The following PAXIP1 variants were observed in gnomAD, a reference collection of about 807,000 sequenced individuals.
PAXIP1 encodes the protein PAX-interacting protein 1.
PAXIP1 carries 19 observed loss-of-function variants against 140.6 expected under a neutral mutation model. The observed-to-expected ratio is 0.14, with a 90% CI of 0.09 to 0.20. The LOEUF (loss-of-function observed/expected upper bound fraction) is 0.20, where lower values mean the gene tolerates loss of function less well. Among genes scored for constraint, PAXIP1 ranks in the 10% least tolerant of loss-of-function variants. The pLI, the probability that PAXIP1 is intolerant of heterozygous loss-of-function variation, is 1.00. For missense variants in PAXIP1, 920 were observed against 1,208.6 expected, an observed-to-expected ratio of 0.76 and a Z score of 3.54; for synonymous variants, 442 against 444.6, an observed-to-expected ratio of 0.99 and a Z score of 0.07.
rs143099962 is a variant in PAXIP1 at position 154,960,049 on chromosome 7, T to C, written c.2435-116A>G. 2.0e-3 allele frequency: 1,375 copies of C among 702,966 alleles called. 23 individuals are homozygous for C. In the East Asian group the frequency reaches 0.027, roughly 14 times the overall value. The allele number at this position is 702,966 out of a possible 1,614,324, so 43.5% of individuals were successfully genotyped here. On this transcript the variant is annotated intron_variant, in intron 12 of 20. Transcript: ENST00000404141. Reference sequence around the variant, plus strand: ...AGACAGGTGGTTTAGCTGACAACACTTAATAAGGATAAATGTAAGTACTAT... The same window carrying C: ...AGACAGGTGGTTTAGCTGACAACACCTAATAAGGATAAATGTAAGTACTAT...
chr7:154,993,630 G>A (rs1242163115), intron 3 of PAXIP1, 96 bp downstream of exon 3: 23 of 916,870 alleles, frequency 2.5e-5, no homozygotes, highest in South Asian at 1.0e-4. Context: ...CTGTCCTAAC[G>A]AATGAATCCA....
At chr7:154,970,662 G>C in intron 6 of PAXIP1, among the ~76,000 whole-genome samples, 1 of 152,220 alleles carries the variant, frequency 6.6e-6, no homozygotes, top group Non-Finnish European at 1.5e-5. Flanking sequence ...AGCAGCATTT[G>C]GTGCTGTGCA....
chr7:154,944,088 C>T lies in PAXIP1; in HGVS notation c.*61G>A, dbSNP rs777160767. The stretch of plus-strand genomic sequence containing the variant: ...ATGTGAAGGAAGCGCAGCAGCTCCT[C>T]GCCAGCCAGACAGCCAGCCCCGCAC... On this transcript the variant is annotated 3_prime_UTR_variant, in exon 21 of 21. Coordinates refer to ENST00000404141, the MANE Select transcript of PAXIP1 (RefSeq NM_007349.4). The T allele has an allele frequency of 4.2e-5, 66 of 1,579,202 alleles. No individual in the cohort carries two copies. Among genetic ancestry groups the T allele is most frequent in the Middle Eastern group, 1.7e-4 (1 of 6,026 alleles).
At position 154,956,077 on chromosome 7, in the gene PAXIP1, CCAAGA is replaced by C. The variant is rs1329109764; in HGVS notation, c.2550-451_2550-447del. ...CACGTTCACCATCAATACAAGTCAG[CCAAGA>C]CGAGTGTCGCTAGAGCTTCCAGTGT... On this transcript the variant is annotated intron_variant, in intron 14 of 20. Coordinates refer to ENST00000404141, the MANE Select transcript of PAXIP1 (RefSeq NM_007349.4). This position sits in a 1 kb window ranked among gnomAD's most constrained non-coding sequence, Gnocchi z 4.2. 6.6e-6 allele frequency among the ~76,000 whole-genome samples: 1 copy of C among 152,230 alleles called. No individual in the cohort carries two copies. Among genetic ancestry groups the C allele is most frequent in the African/African-American group, 2.4e-5 (1 of 41,460 alleles).
At chr7:154,958,770 C>A (rs1808638506) in intron 13 of PAXIP1, among the ~76,000 whole-genome samples, 1 of 152,106 alleles carries the variant, frequency 6.6e-6, no homozygotes, top group Non-Finnish European at 1.5e-5. Flanking sequence ...GGGCCCCTGA[C>A]AACTTTAGAA....
chr7:154,954,923 T>C lies in PAXIP1; in HGVS notation c.2653-500A>G, dbSNP rs1192980740. On this transcript the variant is annotated intron_variant, in intron 15 of 20. Coordinates refer to ENST00000404141, the MANE Select transcript of PAXIP1 (RefSeq NM_007349.4). This position sits in a 1 kb window ranked among gnomAD's most constrained non-coding sequence, Gnocchi z 5.1. The stretch of plus-strand genomic sequence containing the variant: ...GAGAAATTAATTTGTTCTAAATGTA[T>C]AATACTAGCATTTATAATTGTTTCT... Among the ~76,000 whole-genome samples the C allele has an allele frequency of 1.3e-5, 2 of 152,238 alleles. No individual in the cohort carries two copies. The highest frequency in any genetic ancestry group is 6.5e-5 in the Admixed American group (1 of 15,286).
At chr7:154,967,389 A>G (rs1461903102) in intron 8 of PAXIP1, 1 of 156,982 alleles carries the variant, frequency 6.4e-6, no homozygotes, top group Non-Finnish European at 1.4e-5. Context: ...ACATAATTAA[A>G]TTAACTCCAG....
rs1810102525 is a variant in PAXIP1, at chr7:154,986,978, T to C, written c.325-3646A>G. Among the ~76,000 whole-genome samples the C allele has an allele frequency of 1.3e-5, 2 of 152,322 alleles. No homozygotes were observed. On this transcript the variant is annotated intron_variant, in intron 4 of 20. Transcript: ENST00000404141. This position sits in a 1 kb window ranked among gnomAD's most constrained non-coding sequence, Gnocchi z 4.8. ...TGGTAAGTTTAGCACCAAGGTAAAA[T>C]TGGACCTTTCACCTGACAGTGGGTG...
rs73493742 is a variant in PAXIP1, at chr7:154,980,527, G to A, written c.438+2692C>T. 9.2e-3 allele frequency among the ~76,000 whole-genome samples: 1,397 copies of A among 152,082 alleles called. 31 individuals are homozygous for A. The highest frequency in any genetic ancestry group is 0.032 in the African/African-American group (1,324 of 41,444). On this transcript the variant is annotated intron_variant, in intron 5 of 20. Transcript: ENST00000404141. The stretch of plus-strand genomic sequence containing the variant: ...CCTCCCAGGCTCAAGCAATCCTTCC[G>A]TCTCAGCTTCCCAAGTAGCTAGGAC...
intron 17 of PAXIP1, chr7:154,947,031 G>A (rs537193819): frequency 2.3e-6 from 1 of 438,830 alleles, no homozygotes; most frequent in African/African-American, 2.0e-5. Flanking sequence ...AAGTATGCCT[G>A]AAGATGATTT....
At chr7:154,948,094 CATA>C in intron 16 of PAXIP1, 91 bp from the exon 17 acceptor site, 1 of 796,850 alleles carries the variant, frequency 1.3e-6, no homozygotes, top group East Asian at 2.4e-5. Flanking sequence ...TATTCAGGTA[CATA>C]ATATTACAGC....
intron 4 of PAXIP1, among the ~76,000 whole-genome samples, chr7:154,984,804 T>C (rs1809995032): frequency 6.6e-6 from 1 of 152,188 alleles, no homozygotes; most frequent in Non-Finnish European, 1.5e-5. Context: ...TAAAAAACAA[T>C]CTAGATATGC....
At chr7:154,989,569 A>T (rs1165619020) in intron 4 of PAXIP1, among the ~76,000 whole-genome samples, 1 of 152,224 alleles carries the variant, frequency 6.6e-6, no homozygotes, top group African/African-American at 2.4e-5. Context: ...AATTTTAAAC[A>T]AATTATTCCA....
At position 154,963,400 on chromosome 7, in the gene PAXIP1, G is replaced by A. The variant is rs145334147; in HGVS notation, c.1989+271C>T. ...CAGGTTGGTCAGGCTGGTCTCAAAC[G>A]CCTGACCTCGTGACCCGTCCACCTC... On this transcript the variant is annotated intron_variant, in intron 9 of 20. Coordinates refer to ENST00000404141, the MANE Select transcript of PAXIP1 (RefSeq NM_007349.4). The surrounding 1 kb of genome is among the most constrained non-coding windows in gnomAD (Gnocchi z 4.1). Among the ~76,000 whole-genome samples the A allele has an allele frequency of 2.4e-4, 37 of 151,888 alleles. 2 individuals carry two copies. The East Asian group carries it at 6.8e-3, about 28-fold the overall frequency.
At chr7:154,977,397 G>T (rs1014190665) in intron 5 of PAXIP1, among the ~76,000 whole-genome samples, 1 of 152,176 alleles carries the variant, frequency 6.6e-6, no homozygotes, top group African/African-American at 2.4e-5. Context: ...CCCCAAGGTG[G>T]CATTTGCAAT....
chr7:154,961,910 C>A (rs1176856235), intron 10 of PAXIP1, among the ~76,000 whole-genome samples: 2 of 152,210 alleles, frequency 1.3e-5, no homozygotes, highest in Non-Finnish European at 2.9e-5. Context: ...ACTGCTCAGA[C>A]AATCCCAACA....
At chr7:154,972,360 G>T (rs1251297116) in intron 6 of PAXIP1, among the ~76,000 whole-genome samples, 2 of 152,084 alleles carry the variant, frequency 1.3e-5, no homozygotes, top group African/African-American at 4.8e-5. Context: ...GTGGTAATGG[G>T]CACCTGTAAT....
intron 10 of PAXIP1, among the ~76,000 whole-genome samples, chr7:154,961,878 G>T (rs145315456): frequency 1.9e-4 from 29 of 152,302 alleles, no homozygotes; most frequent in African/African-American, 7.0e-4. Context: ...AACATGAGAT[G>T]CCTTGTTTAT....
intron 3 of PAXIP1, among the ~76,000 whole-genome samples, chr7:154,992,595 A>C (rs1247877235): frequency 7.4e-6 from 1 of 134,540 alleles, no homozygotes; most frequent in Non-Finnish European, 1.5e-5. Flanking sequence ...ACTCTGTCTC[A>C]AAAAAAAAAA....
Sources: gnomAD v4.1 joint callset for allele counts (sites outside exome capture counted in the v4.1 genomes callset) on GRCh38, gnomAD v4.1.1 for gene constraint, Gnocchi (gnomAD v3.1) non-coding constraint, MANE v1.5 for transcripts, NCBI Gene and HGNC (gene_info 2026-07-23, HGNC 2026-07-21) for gene names.